The following STK32C variants were observed in gnomAD, a reference collection of about 807,000 sequenced individuals.
STK32C encodes serine/threonine-protein kinase 32C.
In STK32C, 31 loss-of-function variants were observed where a neutral mutation model predicts 56.5. The ratio of observed to expected loss-of-function variants is 0.55; its 90% confidence interval spans 0.41 to 0.74. The LOEUF (loss-of-function observed/expected upper bound fraction) is 0.74. Among genes scored for constraint, STK32C ranks in the 30% least tolerant of loss-of-function variants. The probability of loss-of-function intolerance (pLI) is 0.00; values close to 1 mark genes in which losing one functional copy is unlikely to be tolerated. For missense variants in STK32C, 544 were observed against 676.9 expected, an observed-to-expected ratio of 0.80 and a Z score of 2.18; for synonymous variants, 309 against 289.4, an observed-to-expected ratio of 1.07 and a Z score of -0.69.
chr10:132,272,686 C>T (rs1564764793), intron 1 of STK32C, among the ~76,000 whole-genome samples: 1 of 152,226 alleles, frequency 6.6e-6, no homozygotes, highest in Non-Finnish European at 1.5e-5. Flanking sequence ...ACAGCCTGGT[C>T]TCCCCGCCTC....
intron 1 of STK32C, among the ~76,000 whole-genome samples, chr10:132,299,535 G>C (rs1010737356): frequency 2.0e-5 from 3 of 152,248 alleles, no homozygotes; most frequent in African/African-American, 7.2e-5. Context: ...AAGACCCCTG[G>C]GGAGGTTTGC....
intron 10 of STK32C, among the ~76,000 whole-genome samples, chr10:132,209,868 C>T (rs1164853001): frequency 6.6e-6 from 1 of 152,144 alleles, no homozygotes; most frequent in East Asian, 1.9e-4. Flanking sequence ...TTAAAAGGGC[C>T]CCCACCTCCT....
chr10:132,235,960 C>T (rs956902006), intron 2 of STK32C, among the ~76,000 whole-genome samples: 24 of 152,178 alleles, frequency 1.6e-4, no homozygotes, highest in Non-Finnish European at 2.4e-4. Flanking sequence ...GAATTCATGT[C>T]GGATACCGAG....
At chr10:132,223,043 G>T in intron 8 of STK32C, 57 bp from the exon 9 acceptor site, 1 of 1,520,446 alleles carries the variant, frequency 6.6e-7, no homozygotes, top group Non-Finnish European at 8.8e-7. Flanking sequence ...GCACGGAATA[G>T]CCCGCCACCC....
chr10:132,231,754 G>A (rs1266334873), intron 2 of STK32C, among the ~76,000 whole-genome samples: 1 of 152,230 alleles, frequency 6.6e-6, no homozygotes, highest in Non-Finnish European at 1.5e-5. Flanking sequence ...GCATGGGGGC[G>A]AGGGAGTGTG....
At chr10:132,291,459 G>T (rs1356577272) in intron 1 of STK32C, among the ~76,000 whole-genome samples, 2 of 152,162 alleles carry the variant, frequency 1.3e-5, no homozygotes, top group East Asian at 3.9e-4. Flanking sequence ...GAAGTCCATG[G>T]TCAAGCTGTG....
intron 1 of STK32C, among the ~76,000 whole-genome samples, chr10:132,246,526 T>C (rs532777873): frequency 5.3e-5 from 8 of 152,296 alleles, no homozygotes; most frequent in African/African-American, 9.6e-5. Flanking sequence ...ATGTCCACCA[T>C]GACCTGTGTA....
intron 10 of STK32C, among the ~76,000 whole-genome samples, chr10:132,222,215 C>T (rs961115710): frequency 6.7e-6 from 1 of 148,460 alleles, no homozygotes; most frequent in Non-Finnish European, 1.5e-5. Context: ...GAGGGCTTCA[C>T]ATGGCCGTCC....
At chr10:132,227,934 C>T (rs1383732317) in intron 3 of STK32C, 43 bp downstream of exon 3, 1 of 1,603,984 alleles carries the variant, frequency 6.2e-7, no homozygotes. Context: ...TTCCCGGCTT[C>T]AGGACGGTAA....
chr10:132,278,700 CAGTG>C (rs1356295693), intron 1 of STK32C, among the ~76,000 whole-genome samples: 2 of 144,078 alleles, frequency 1.4e-5, no homozygotes, highest in Non-Finnish European at 3.0e-5. Context: ...GCGGAGCTTG[CAGTG>C]AGCCGAGATC....
chr10:132,269,201 ATGCATGTGCCTGTGGGTGCAGCTCTG>A (rs2064730870), intron 1 of STK32C, among the ~76,000 whole-genome samples: 1 of 151,804 alleles, frequency 6.6e-6, no homozygotes. Flanking sequence ...CTGTGTGTGC[ATGCATGTGCCTGTGGGTGCAGCTCTG>A]TGCATGTGTC....
At chr10:132,270,411 G>A (rs1227134184) in intron 1 of STK32C, among the ~76,000 whole-genome samples, 2 of 152,242 alleles carry the variant, frequency 1.3e-5, no homozygotes, top group African/African-American at 4.8e-5. Context: ...CAGGGGTCAT[G>A]AGCCATGGCT....
chr10:132,238,866 C>T (rs1196955125), intron 2 of STK32C, among the ~76,000 whole-genome samples: 3 of 152,254 alleles, frequency 2.0e-5, no homozygotes, highest in Non-Finnish European at 4.4e-5. Context: ...GGCACACACA[C>T]GTTCATGTAC....
Position 132,273,904 on chromosome 10 carries a change from G to A in STK32C, c.263-27949C>T, listed in dbSNP as rs551599624. ...GTGAAAGATCATAAGAGCCCACTAT[G>A]CGTGTGCTGACCCCAGCCCCATACT... On this transcript the variant is annotated intron_variant, in intron 1 of 11. Coordinates refer to ENST00000298630, the MANE Select transcript of STK32C (RefSeq NM_173575.4). 1.6e-4 allele frequency among the ~76,000 whole-genome samples: 24 copies of A among 152,340 alleles called. No homozygotes were observed. The South Asian group carries it at 4.1e-3, about 26-fold the overall frequency.
chr10:132,327,067 G>A (rs2066513807), intron 1 of STK32C, among the ~76,000 whole-genome samples: 1 of 152,210 alleles, frequency 6.6e-6, no homozygotes, highest in African/African-American at 2.4e-5. Context: ...CAAGCTTAGA[G>A]GCTGATACGG....
intron 1 of STK32C, among the ~76,000 whole-genome samples, chr10:132,329,280 G>A (rs1441793773): frequency 6.6e-6 from 1 of 152,140 alleles, no homozygotes; most frequent in Non-Finnish European, 1.5e-5. Flanking sequence ...CCAGTGTGGT[G>A]GCACATGCCT....
At chr10:132,294,175 G>A (rs1431763313) in intron 1 of STK32C, among the ~76,000 whole-genome samples, 3 of 152,206 alleles carry the variant, frequency 2.0e-5, no homozygotes, top group Admixed American at 1.3e-4. Flanking sequence ...ACCAGCGTGT[G>A]GGTGGAGCGG....
At chr10:132,251,251 T>A (rs1014616552) in intron 1 of STK32C, among the ~76,000 whole-genome samples, 4 of 152,166 alleles carry the variant, frequency 2.6e-5, no homozygotes, top group Non-Finnish European at 5.9e-5. Flanking sequence ...AAGTCCGCTC[T>A]CATGGGGGCC....
At chr10:132,216,433 G>A (rs1477054139) in intron 10 of STK32C, among the ~76,000 whole-genome samples, 3 of 146,122 alleles carry the variant, frequency 2.1e-5, no homozygotes, top group East Asian at 2.0e-4. Flanking sequence ...TTGCACCACT[G>A]CACTCCAGCC....
Sources: gnomAD v4.1 joint callset for allele counts (sites outside exome capture counted in the v4.1 genomes callset) on GRCh38, gnomAD v4.1.1 for gene constraint, MANE v1.5 for transcripts, NCBI Gene and HGNC (gene_info 2026-07-23, HGNC 2026-07-21) for gene names.